STAU2: variants seen among roughly 807,000 people sequenced by gnomAD.
STAU2 encodes the protein staufen double-stranded RNA binding protein 2, also known as double-stranded RNA-binding protein Staufen homolog 2.
Under a neutral mutation model 65.9 loss-of-function variants are expected in STAU2, and 20 were observed. The observed-to-expected ratio is 0.30, with a 90% confidence interval of 0.21 to 0.44. The LOEUF (loss-of-function observed/expected upper bound fraction) is 0.44, where lower values mean the gene tolerates loss of function less well. Among genes scored for constraint, STAU2 ranks in the 20% least tolerant of loss-of-function variants. STAU2 has a pLI of 1.00. For synonymous variants in STAU2, 232 were observed against 233.9 expected, an observed-to-expected ratio of 0.99 and a Z score of 0.07; for missense variants, 558 against 683.9, an observed-to-expected ratio of 0.82 and a Z score of 2.05.
chr8:73,531,992 C>T (rs534411054), intron 13 of STAU2, among the ~76,000 whole-genome samples: 13 of 152,146 alleles, frequency 8.5e-5, no homozygotes, highest in South Asian at 2.1e-4. Context: ...AATCCTAAGG[C>T]CCCTGCAGCC....
intron 12 of STAU2, among the ~76,000 whole-genome samples, chr8:73,560,921 A>C (rs1808180152): frequency 6.6e-6 from 1 of 152,220 alleles, no homozygotes; most frequent in South Asian, 2.1e-4. Context: ...TTTTTTCTTT[A>C]AAACAGGCAA....
At chr8:73,671,083 T>TAA (rs375465776) in intron 6 of STAU2, among the ~76,000 whole-genome samples, 3 of 146,958 alleles carry the variant, frequency 2.0e-5, no homozygotes, top group Admixed American at 6.8e-5. Flanking sequence ...AACAAATATC[T>TAA]AAAAAAAAAA....
chr8:73,448,183 C>T (rs910070135), intron 13 of STAU2, among the ~76,000 whole-genome samples: 2 of 152,152 alleles, frequency 1.3e-5, no homozygotes, highest in Non-Finnish European at 2.9e-5. Flanking sequence ...GAGTGTTAAA[C>T]TAGAGAAGGC....
At chr8:73,744,525 A>G (rs1807140127) in intron 1 of STAU2, among the ~76,000 whole-genome samples, 1 of 151,390 alleles carries the variant, frequency 6.6e-6, no homozygotes, top group Non-Finnish European at 1.5e-5. Flanking sequence ...TCTAGAACCT[A>G]AACAGGAAAA....
intron 6 of STAU2, among the ~76,000 whole-genome samples, chr8:73,655,638 TC>T (rs1816299624): frequency 1.4e-5 from 2 of 138,134 alleles, no homozygotes; most frequent in Non-Finnish European, 3.1e-5. Context: ...TTTTAATACA[TC>T]TTTTTTTTTT....
chr8:73,699,529 T>C (rs1310161419), intron 4 of STAU2, among the ~76,000 whole-genome samples: 1 of 152,052 alleles, frequency 6.6e-6, no homozygotes, highest in Non-Finnish European at 1.5e-5. Context: ...CGTTAGTGAC[T>C]ACCGTGAGCA....
chr8:73,685,747 T>C (rs1428795356), intron 5 of STAU2, among the ~76,000 whole-genome samples: 2 of 152,090 alleles, frequency 1.3e-5, no homozygotes, highest in African/African-American at 4.8e-5. Context: ...AGTATGGAGA[T>C]TCCTTAAAGA....
intron 9 of STAU2, among the ~76,000 whole-genome samples, chr8:73,607,817 G>C (rs1410570184): frequency 6.6e-6 from 1 of 150,562 alleles, no homozygotes; most frequent in Non-Finnish European, 1.5e-5. Context: ...ATTTTTCCTA[G>C]AAATAAAAGT....
At chr8:73,550,469 T>C (rs1421485046) in intron 13 of STAU2, 17 of 985,784 alleles carry the variant, frequency 1.7e-5, no homozygotes, top group Non-Finnish European at 2.0e-5. Context: ...TTGAATGCAA[T>C]TTGTGCTTTG....
chr8:73,737,649 C>T (rs1178348504), intron 3 of STAU2, among the ~76,000 whole-genome samples: 2 of 151,230 alleles, frequency 1.3e-5, no homozygotes, highest in African/African-American at 4.9e-5. Context: ...GAGATCCTCC[C>T]ACCTCACCTC....
chr8:73,581,129 G>A (rs1489850795), intron 12 of STAU2, among the ~76,000 whole-genome samples: 2 of 152,000 alleles, frequency 1.3e-5, no homozygotes, highest in African/African-American at 4.8e-5. Context: ...CCCATGAGAT[G>A]TATCCCTTAG....
At chr8:73,735,219 C>T (rs1455615478) in intron 3 of STAU2, among the ~76,000 whole-genome samples, 1 of 152,228 alleles carries the variant, frequency 6.6e-6, no homozygotes, top group Non-Finnish European at 1.5e-5. Context: ...GCATGGGCCA[C>T]CACACTGGGC....
At chr8:73,595,329 T>C (rs755911468) in intron 10 of STAU2, 32 bp from the exon 11 acceptor site, 16 of 1,549,002 alleles carry the variant, frequency 1.0e-5, no homozygotes, top group Non-Finnish European at 1.2e-5. Flanking sequence ...ATTAAAGAAA[T>C]ACATTTATGA....
intron 11 of STAU2, chr8:73,590,746 T>A (rs1199932241): frequency 6.5e-6 from 1 of 152,930 alleles, no homozygotes; most frequent in Admixed American, 6.5e-5. Flanking sequence ...TGGCATGCCA[T>A]GAAGCTGCTC....
chr8:73,709,409 A>G (rs968112385), intron 3 of STAU2, among the ~76,000 whole-genome samples: 3 of 152,102 alleles, frequency 2.0e-5, no homozygotes, highest in Admixed American at 6.5e-5. Context: ...CAGCATGCTT[A>G]AAGATTTTAA....
chr8:73,571,699 T>C (rs975268885), intron 12 of STAU2, among the ~76,000 whole-genome samples: 3 of 152,022 alleles, frequency 2.0e-5, no homozygotes, highest in African/African-American at 4.8e-5. Context: ...TTGAAACCAA[T>C]GAGAACAAAG....
intron 14 of STAU2, 39 bp downstream of exon 14, chr8:73,422,575 A>G: frequency 7.0e-7 from 1 of 1,429,124 alleles, no homozygotes; most frequent in South Asian, 1.4e-5. Flanking sequence ...GTACAGTTAC[A>G]ATTAAAAGTG....
intron 12 of STAU2, among the ~76,000 whole-genome samples, chr8:73,564,979 G>C (rs918331408): frequency 6.6e-5 from 10 of 152,186 alleles, no homozygotes; most frequent in African/African-American, 2.4e-4. Context: ...GTCCAGAGTT[G>C]GTTCTTGCCT....
At chr8:73,467,085 C>T (rs1040218598) in intron 13 of STAU2, among the ~76,000 whole-genome samples, 1 of 152,250 alleles carries the variant, frequency 6.6e-6, no homozygotes, top group Non-Finnish European at 1.5e-5. Context: ...TCTTTCAGCA[C>T]TTCCCATAAG....
Sources: allele counts gnomAD v4.1 joint callset (sites outside exome capture counted in the v4.1 genomes callset), GRCh38; gene constraint gnomAD v4.1.1; transcripts MANE v1.5; gene names NCBI Gene and HGNC (gene_info 2026-07-23, HGNC 2026-07-21).